The following HCN1 variants were observed in gnomAD, a reference collection of about 807,000 sequenced individuals.
HCN1 encodes the protein potassium/sodium hyperpolarization-activated cyclic nucleotide-gated channel 1.
HCN1 carries 13 observed loss-of-function variants against 78.9 expected under a neutral mutation model. The ratio of observed to expected loss-of-function variants is 0.16; its 90% CI spans 0.11 to 0.26. The LOEUF is 0.26. Ranked by LOEUF, HCN1 falls within the 10% of genes least tolerant of loss-of-function variation. HCN1 has a pLI of 1.00. For synonymous variants in HCN1, 552 were observed against 455.5 expected (o/e 1.21, Z -2.70); for missense variants, 810 against 1,154.3 (o/e 0.70, Z 4.32).
intron 2 of HCN1, among the ~76,000 whole-genome samples, chr5:45,554,912 T>C (rs1280694337): frequency 6.6e-6 from 1 of 151,882 alleles, no homozygotes; most frequent in African/African-American, 2.4e-5. Context: ...TCAGAAACTA[T>C]GGAGCTCAGG....
chr5:45,387,660 CT>C (rs897415024), intron 4 of HCN1, among the ~76,000 whole-genome samples: 1 of 151,984 alleles, frequency 6.6e-6, no homozygotes, highest in Non-Finnish European at 1.5e-5. Context: ...TATTTTGCCA[CT>C]TCTTACCCTG....
At chr5:45,475,882 T>G (rs1434351305) in intron 2 of HCN1, among the ~76,000 whole-genome samples, 3 of 152,142 alleles carry the variant, frequency 2.0e-5, no homozygotes, top group Non-Finnish European at 4.4e-5. Flanking sequence ...TGTCAACCTC[T>G]TTTTCTAAGT....
chr5:45,620,347 C>A (rs191898985), intron 2 of HCN1, among the ~76,000 whole-genome samples: 3 of 151,912 alleles, frequency 2.0e-5, no homozygotes, highest in Non-Finnish European at 4.4e-5. Context: ...TATACCCAAT[C>A]TAATTTCTTA....
chr5:45,304,175 A>C (rs1359586174), intron 5 of HCN1, among the ~76,000 whole-genome samples: 1 of 152,078 alleles, frequency 6.6e-6, no homozygotes, highest in South Asian at 2.1e-4. Flanking sequence ...AATACATTCT[A>C]TTCTTCCTTT....
At chr5:45,691,776 A>C (rs547743743) in intron 1 of HCN1, among the ~76,000 whole-genome samples, 32 of 152,186 alleles carry the variant, frequency 2.1e-4, no homozygotes, top group Admixed American at 3.3e-4. Context: ...GAACTGTATA[A>C]TATGGGTGAA....
At position 45,385,027 on chromosome 5, in the gene HCN1, G is replaced by A. The variant is rs527493433; in HGVS notation, c.1230+11465C>T. 2.6e-5 allele frequency among the ~76,000 whole-genome samples: 4 copies of A among 152,176 alleles called. No individual in the cohort carries two copies. In the South Asian group the frequency reaches 8.3e-4, roughly 32 times the overall value. The stretch of plus-strand genomic sequence containing the variant: ...ACTTTTAAACTAAGAAAATATTTGT[G>A]TCAATATTGTCTACATAGCATTAAT... On this transcript the variant is annotated intron_variant, in intron 4 of 7. Transcript: ENST00000303230.
At chr5:45,671,944 T>C (rs1746160252) in intron 1 of HCN1, among the ~76,000 whole-genome samples, 1 of 151,594 alleles carries the variant, frequency 6.6e-6, no homozygotes, top group East Asian at 1.9e-4. Context: ...TCACATAAGA[T>C]ATTTACGCCA....
chr5:45,309,051 G>C (rs958737377), intron 5 of HCN1, among the ~76,000 whole-genome samples: 4 of 152,000 alleles, frequency 2.6e-5, no homozygotes, highest in Non-Finnish European at 5.9e-5. Flanking sequence ...TTGAGTAGTG[G>C]TTTGTACTAT....
intron 3 of HCN1, among the ~76,000 whole-genome samples, chr5:45,449,681 T>C (rs143821663): frequency 7.3e-4 from 111 of 152,206 alleles, no homozygotes; most frequent in Middle Eastern, 3.4e-3. Flanking sequence ...TGTACCCATA[T>C]GACACCTGGT....
rs184154446 is a variant in HCN1, at chr5:45,349,893, A to T, written c.1377+3207T>A. Among the ~76,000 whole-genome samples, 101 of 152,288 alleles carry T rather than the reference A, an allele frequency of 6.6e-4. 1 individual carries two copies. The East Asian group carries it at 0.012, about 18-fold the overall frequency. On this transcript the variant is annotated intron_variant, in intron 5 of 7. Transcript: ENST00000303230. ...TGTGGCAATAATCAATAGCTTACCAACCAAAAAGAGTCCAGGACCAGATGG... is the reference window on the plus strand; with the variant it reads ...TGTGGCAATAATCAATAGCTTACCATCCAAAAAGAGTCCAGGACCAGATGG...
chr5:45,297,235 C>G (rs554802950), intron 6 of HCN1, among the ~76,000 whole-genome samples: 1 of 152,218 alleles, frequency 6.6e-6, no homozygotes, highest in South Asian at 2.1e-4. Context: ...GGGACACACC[C>G]TTAAGACACA....
intron 2 of HCN1, chr5:45,644,384 AGATAGG>A (rs1745506957): frequency 6.6e-6 from 1 of 152,136 alleles, no homozygotes; most frequent in African/African-American, 2.4e-5. Flanking sequence ...CAGACTTTGA[AGATAGG>A]GATATGAACT....
At chr5:45,610,757 T>C (rs1430072638) in intron 2 of HCN1, among the ~76,000 whole-genome samples, 1 of 151,576 alleles carries the variant, frequency 6.6e-6, no homozygotes, top group Non-Finnish European at 1.5e-5. Flanking sequence ...CTTAAAATAT[T>C]CTTTAAATTG....
At chr5:45,639,782 T>C (rs1416730336) in intron 2 of HCN1, among the ~76,000 whole-genome samples, 2 of 152,198 alleles carry the variant, frequency 1.3e-5, no homozygotes, top group Admixed American at 1.3e-4. Flanking sequence ...TAAACCTCTC[T>C]TCTAACTGGT....
chr5:45,466,085 T>G (rs769120421), intron 2 of HCN1, among the ~76,000 whole-genome samples: 1 of 152,138 alleles, frequency 6.6e-6, no homozygotes, highest in Non-Finnish European at 1.5e-5. Context: ...AAATGTGATT[T>G]TTTGTGATAT....
chr5:45,544,901 A>C (rs1290210272), intron 2 of HCN1, among the ~76,000 whole-genome samples: 1 of 152,140 alleles, frequency 6.6e-6, no homozygotes, highest in Non-Finnish European at 1.5e-5. Context: ...ATAGTGCCGC[A>C]ATAAACATAT....
chr5:45,376,750 T>C, intron 4 of HCN1, among the ~76,000 whole-genome samples: 1 of 151,956 alleles, frequency 6.6e-6, no homozygotes, highest in East Asian at 1.9e-4. Flanking sequence ...TTTCCTTGTG[T>C]CACTGGGATT....
At chr5:45,659,927 A>C (rs1371038512) in intron 1 of HCN1, among the ~76,000 whole-genome samples, 1 of 145,282 alleles carries the variant, frequency 6.9e-6, no homozygotes, top group Non-Finnish European at 1.5e-5. Context: ...AGGCAGGCCA[A>C]CGTTCAGATT....
At chr5:45,542,985 T>C (rs990100258) in intron 2 of HCN1, among the ~76,000 whole-genome samples, 8 of 152,144 alleles carry the variant, frequency 5.3e-5, no homozygotes, top group African/African-American at 1.7e-4. Context: ...TTCTAAAGTA[T>C]GACAACATTT....
Sources: gnomAD v4.1 joint callset for allele counts (sites outside exome capture counted in the v4.1 genomes callset) on GRCh38, gnomAD v4.1.1 for gene constraint, MANE v1.5 for transcripts, NCBI Gene and HGNC (gene_info 2026-07-23, HGNC 2026-07-21) for gene names.